CNTNAP2: variants seen among roughly 807,000 people sequenced by gnomAD.
CNTNAP2 encodes the protein contactin associated protein 2, also known as contactin-associated protein-like 2.
CNTNAP2 carries 98 observed loss-of-function variants against 155.2 expected under a neutral mutation model. The ratio of observed to expected loss-of-function variants is 0.63; its 90% CI spans 0.54 to 0.75. CNTNAP2 has a LOEUF of 0.75. Ranked by LOEUF, CNTNAP2 falls within the 30% of genes least tolerant of loss-of-function variation. The probability of loss-of-function intolerance (pLI) is 0.00; values close to 1 mark genes in which losing one functional copy is unlikely to be tolerated. For missense variants in CNTNAP2, 1,727 were observed against 1,688.1 expected (o/e 1.02, Z -0.40); for synonymous variants, 651 against 631.2 (o/e 1.03, Z -0.47).
At chr7:148,089,967 A>T (rs76521069) in intron 15 of CNTNAP2, among the ~76,000 whole-genome samples, 22,005 of 151,894 alleles carry the variant, frequency 0.14, 1,709 homozygotes, top group South Asian at 0.23. Flanking sequence ...CCAGAAATAA[A>T]TTAATGCATT....
chr7:147,174,176 A>G (rs547244610), intron 8 of CNTNAP2, among the ~76,000 whole-genome samples: 25 of 152,236 alleles, frequency 1.6e-4, no homozygotes, highest in African/African-American at 5.5e-4. Context: ...TCAAAAACTG[A>G]ATTTTTTAAA....
intron 13 of CNTNAP2, among the ~76,000 whole-genome samples, chr7:147,869,644 C>T (rs1799294595): frequency 2.0e-5 from 3 of 152,180 alleles, no homozygotes; most frequent in African/African-American, 4.8e-5. Flanking sequence ...AAATAAACTG[C>T]AGTGTCATAA....
intron 15 of CNTNAP2, among the ~76,000 whole-genome samples, chr7:148,069,835 A>G (rs1803349095): frequency 6.6e-6 from 1 of 152,044 alleles, no homozygotes; most frequent in Admixed American, 6.6e-5. Context: ...CTCTAAAACT[A>G]AGACTCAGAC....
At chr7:146,155,729 C>T (rs1034591729) in intron 1 of CNTNAP2, among the ~76,000 whole-genome samples, 5 of 150,914 alleles carry the variant, frequency 3.3e-5, no homozygotes, top group South Asian at 2.1e-4. Context: ...AATGGAGTCT[C>T]GCTCTTGTCG....
At chr7:146,180,173 G>A (rs547447131) in intron 1 of CNTNAP2, among the ~76,000 whole-genome samples, 2 of 152,296 alleles carry the variant, frequency 1.3e-5, no homozygotes, top group East Asian at 3.9e-4. Flanking sequence ...TTACAACAGT[G>A]TTAATTCACA....
intron 8 of CNTNAP2, among the ~76,000 whole-genome samples, chr7:147,261,687 A>T (rs1804470067): frequency 6.6e-6 from 1 of 152,188 alleles, no homozygotes; most frequent in Non-Finnish European, 1.5e-5. Flanking sequence ...GGGGAAAAAA[A>T]TAAAAAATCC....
intron 9 of CNTNAP2, among the ~76,000 whole-genome samples, chr7:147,363,755 C>CA (rs140846444): frequency 0.025 from 3,849 of 152,092 alleles, 183 homozygotes; most frequent in African/African-American, 0.088. Context: ...GGGAAATATA[C>CA]AAAAAAAGTA....
chr7:146,978,542 T>G (rs1286917531), intron 3 of CNTNAP2, among the ~76,000 whole-genome samples: 3 of 152,248 alleles, frequency 2.0e-5, no homozygotes, highest in East Asian at 3.9e-4. Flanking sequence ...GTCAAAAGAC[T>G]ATTTAAGAAG....
chr7:147,891,083 A>T (rs989194909), intron 13 of CNTNAP2, among the ~76,000 whole-genome samples: 4 of 152,166 alleles, frequency 2.6e-5, no homozygotes, highest in African/African-American at 7.2e-5. Context: ...TATTTTTTTT[A>T]AAAAGAATAG....
chr7:147,898,245 C>G (rs770239079), intron 13 of CNTNAP2, among the ~76,000 whole-genome samples: 1 of 152,200 alleles, frequency 6.6e-6, no homozygotes, highest in Non-Finnish European at 1.5e-5. Context: ...GGACTCCAGT[C>G]CCTGTTCATT....
chr7:146,767,501 G>T (rs1190874864), intron 1 of CNTNAP2, among the ~76,000 whole-genome samples: 3 of 152,102 alleles, frequency 2.0e-5, no homozygotes, highest in Non-Finnish European at 4.4e-5. Flanking sequence ...GATTATTAGG[G>T]TTCTTTCTTT....
At chr7:147,833,827 C>A (rs1486175023) in intron 13 of CNTNAP2, among the ~76,000 whole-genome samples, 1 of 152,154 alleles carries the variant, frequency 6.6e-6, no homozygotes, top group East Asian at 1.9e-4. Flanking sequence ...ACTGCCAGTC[C>A]CTGTGCTGTA....
chr7:146,629,585 G>A (rs1337756084), intron 1 of CNTNAP2, among the ~76,000 whole-genome samples: 2 of 152,076 alleles, frequency 1.3e-5, no homozygotes, highest in South Asian at 4.1e-4. Flanking sequence ...TCCTGAAAAT[G>A]AAATTTTCCT....
intron 13 of CNTNAP2, among the ~76,000 whole-genome samples, chr7:147,737,470 A>G (rs1055916002): frequency 1.1e-4 from 17 of 152,158 alleles, no homozygotes; most frequent in Non-Finnish European, 2.4e-4. Flanking sequence ...CTCCTGGGTC[A>G]GGGACCCACT....
At chr7:146,140,477 A>G (rs1562965438) in intron 1 of CNTNAP2, among the ~76,000 whole-genome samples, 1 of 152,140 alleles carries the variant, frequency 6.6e-6, no homozygotes, top group African/African-American at 2.4e-5. Context: ...TGAATGAAAT[A>G]ATTAGGTAGA....
At position 148,105,372 on chromosome 7, in the gene CNTNAP2, C is replaced by T. The variant is rs150641184; in HGVS notation, c.2384-12746C>T. Among the ~76,000 whole-genome samples, 66 of 152,180 alleles carry T rather than the reference C, an allele frequency of 4.3e-4. No individual in the cohort carries two copies. In the Middle Eastern group the frequency reaches 0.01, roughly 24 times the overall value. ...AAATAAAGCTGGAATCCACACACAC[C>T]ATTGTCATGGTGGGAACAATGGTAG... On this transcript the variant is annotated intron_variant, in intron 15 of 23. Coordinates refer to ENST00000361727, the MANE Select transcript of CNTNAP2 (RefSeq NM_014141.6).
At chr7:146,258,642 C>T (rs1458724806) in intron 1 of CNTNAP2, among the ~76,000 whole-genome samples, 1 of 151,998 alleles carries the variant, frequency 6.6e-6, no homozygotes, top group Non-Finnish European at 1.5e-5. Context: ...GTCAAAATAT[C>T]CTGAGAGGAA....
intron 1 of CNTNAP2, among the ~76,000 whole-genome samples, chr7:146,232,983 A>G (rs184185471): frequency 1.0e-3 from 156 of 152,298 alleles, no homozygotes; most frequent in Non-Finnish European, 1.7e-3. Flanking sequence ...ACTCTATTGC[A>G]TAATCTCAAT....
Position 147,313,620 on chromosome 7 carries a change from A to G in CNTNAP2, c.1498+13330A>G, listed in dbSNP as rs570444044. 6.1e-4 allele frequency among the ~76,000 whole-genome samples: 92 copies of G among 151,284 alleles called. No homozygotes were observed. The Middle Eastern group carries it at 0.01, about 17-fold the overall frequency. On this transcript the variant is annotated intron_variant, in intron 9 of 23. Transcript: ENST00000361727. ...GGGCTCTGTTCTGTTCCATTGATCT[A>G]TATCTCTGTTTTGGTACCATTACCA... is the stretch of plus-strand genomic sequence containing the variant.
Sources: allele counts gnomAD v4.1 joint callset (sites outside exome capture counted in the v4.1 genomes callset), GRCh38; gene constraint gnomAD v4.1.1; transcripts MANE v1.5; gene names NCBI Gene and HGNC (gene_info 2026-07-23, HGNC 2026-07-21).